The following RABGAP1L variants were observed in gnomAD, a reference collection of about 807,000 sequenced individuals.
RABGAP1L encodes RAB GTPase activating protein 1 like.
A neutral mutation model predicts 137.7 loss-of-function variants in RABGAP1L; 63 were observed. The observed-to-expected ratio is 0.46, with a 90% CI of 0.37 to 0.56. RABGAP1L has a LOEUF of 0.56. Among genes scored for constraint, RABGAP1L ranks in the 20% least tolerant of loss-of-function variants. RABGAP1L has a pLI of 0.00. For synonymous variants in RABGAP1L, 431 were observed against 433.7 expected, an observed-to-expected ratio of 0.99 and a Z score of 0.08; for missense variants, 1,095 against 1,244.0, an observed-to-expected ratio of 0.88 and a Z score of 1.80.
intron 19 of RABGAP1L, among the ~76,000 whole-genome samples, chr1:174,848,691 G>T (rs1417605004): frequency 6.9e-6 from 1 of 144,926 alleles, no homozygotes; most frequent in East Asian, 2.0e-4. Context: ...GTTTGTCTGT[G>T]CCCTGCCCCC....
At chr1:174,423,223 A>AT (rs933444534) in intron 13 of RABGAP1L, among the ~76,000 whole-genome samples, 5 of 152,096 alleles carry the variant, frequency 3.3e-5, no homozygotes, top group Admixed American at 1.3e-4. Context: ...AATTGTGTCC[A>AT]TTTTTTTAAT....
At chr1:174,646,766 A>T (rs1182286188) in intron 14 of RABGAP1L, among the ~76,000 whole-genome samples, 1 of 152,160 alleles carries the variant, frequency 6.6e-6, no homozygotes, top group African/African-American at 2.4e-5. Flanking sequence ...TGGTAGCTTG[A>T]TGGGGATAGC....
At chr1:174,769,409 C>T (rs998968534) in intron 18 of RABGAP1L, among the ~76,000 whole-genome samples, 2 of 152,066 alleles carry the variant, frequency 1.3e-5, no homozygotes, top group Non-Finnish European at 2.9e-5. Flanking sequence ...TTCTTAGGTT[C>T]TATAATAGTG....
At chr1:174,690,303 A>T (rs1678786324) in intron 15 of RABGAP1L, among the ~76,000 whole-genome samples, 1 of 152,162 alleles carries the variant, frequency 6.6e-6, no homozygotes, top group Non-Finnish European at 1.5e-5. Context: ...CCTTATGATG[A>T]GTGTAAAGAG....
At chr1:174,500,633 G>A (rs1661173207) in intron 13 of RABGAP1L, among the ~76,000 whole-genome samples, 1 of 152,122 alleles carries the variant, frequency 6.6e-6, no homozygotes. Context: ...ACAGTTAAAC[G>A]AAAACAAAGG....
chr1:174,870,489 A>T (rs1327983183), intron 19 of RABGAP1L, among the ~76,000 whole-genome samples: 3 of 152,204 alleles, frequency 2.0e-5, no homozygotes, highest in African/African-American at 7.2e-5. Context: ...TAATTCTGGT[A>T]TATGTTTGCC....
chr1:174,952,339 C>CAAAAAAA (rs59406597), intron 19 of RABGAP1L, among the ~76,000 whole-genome samples: 3 of 31,718 alleles, frequency 9.5e-5, no homozygotes, highest in African/African-American at 3.1e-4. Context: ...CTGGCTCTAC[C>CAAAAAAA]AAAAAAAAAA....
chr1:174,693,765 G>A lies in RABGAP1L; in HGVS notation c.1900-5760G>A, dbSNP rs148096991. Among the ~76,000 whole-genome samples, 555 of 152,268 alleles carry A rather than the reference G, an allele frequency of 3.6e-3. 3 individuals carry two copies. The highest frequency in any genetic ancestry group is 0.013 in the African/African-American group (541 of 41,550). ...GGTGTCTTTTGTTATGGAGTCCAAA[G>A]CTCAGTGGAGCAGTGAGTGATACTA... On this transcript the variant is annotated intron_variant, in intron 15 of 25. Transcript: ENST00000681986.
chr1:174,317,261 G>T (rs1470672769), intron 11 of RABGAP1L, among the ~76,000 whole-genome samples: 7 of 151,864 alleles, frequency 4.6e-5, no homozygotes, highest in Admixed American at 4.6e-4. Flanking sequence ...GAGTTTCATC[G>T]GAAGCCAGCA....
At position 174,221,030 on chromosome 1, in the gene RABGAP1L, C is replaced by G; in HGVS notation, c.197C>G (p.Ser66Cys). The G allele has an allele frequency of 6.2e-7, 1 of 1,613,710 alleles. No individual in the cohort carries two copies. The highest frequency in any genetic ancestry group is 1.7e-4 in the Middle Eastern group (1 of 6,056). ...EKAMEEILRD[S>C]EKRPSSLLVD... Reference sequence around the variant, plus strand: ...GCCATGGAAGAGATTTTGAGAGATTCCGAGAAAAGGCCAAGCAGTCTTCTT... The same window carrying G: ...GCCATGGAAGAGATTTTGAGAGATTGCGAGAAAAGGCCAAGCAGTCTTCTT... Residue 66 changes from serine to cysteine, a missense_variant, in exon 3 of 26, where the codon TCC (serine) becomes TGC (cysteine). Coordinates refer to ENST00000681986, the MANE Select transcript of RABGAP1L (RefSeq NM_001366446.1).
intron 10 of RABGAP1L, among the ~76,000 whole-genome samples, chr1:174,293,744 TGTTTA>T (rs890921734): frequency 7.2e-5 from 11 of 152,202 alleles, no homozygotes; most frequent in Admixed American, 6.5e-5. Flanking sequence ...TGATTTTCAA[TGTTTA>T]GTTTAGTTTA....
At chr1:174,985,822 G>A (rs1671542702) in intron 24 of RABGAP1L, among the ~76,000 whole-genome samples, 1 of 152,232 alleles carries the variant, frequency 6.6e-6, no homozygotes, top group Admixed American at 6.5e-5. Context: ...AGCAGCCTAG[G>A]ACTAGAAAGG....
chr1:174,170,692 AAATC>A (rs1470735663), intron 1 of RABGAP1L, among the ~76,000 whole-genome samples: 130 of 151,626 alleles, frequency 8.6e-4, no homozygotes, highest in Middle Eastern at 6.8e-3. Flanking sequence ...AAAAAAAAAA[AAATC>A]ACGTAGCTTG....
At chr1:174,247,654 C>T (rs147686303) in intron 5 of RABGAP1L, among the ~76,000 whole-genome samples, 12 of 152,330 alleles carry the variant, frequency 7.9e-5, no homozygotes, top group African/African-American at 1.4e-4. Flanking sequence ...CATATCCTTG[C>T]GTGTGGAGAG....
At chr1:174,231,386 A>C in intron 4 of RABGAP1L, 31 bp downstream of exon 4, 1 of 1,581,012 alleles carries the variant, frequency 6.3e-7, no homozygotes, top group Non-Finnish European at 8.7e-7. Flanking sequence ...CTTTAGACAC[A>C]TATTAAGTCT....
intron 19 of RABGAP1L, among the ~76,000 whole-genome samples, chr1:174,938,079 A>G (rs1368807965): frequency 6.6e-6 from 1 of 152,130 alleles, no homozygotes; most frequent in East Asian, 1.9e-4. Context: ...CCATCTATAA[A>G]TAATTTTACA....
At chr1:174,471,407 T>G (rs1261770394) in intron 13 of RABGAP1L, among the ~76,000 whole-genome samples, 1 of 152,220 alleles carries the variant, frequency 6.6e-6, no homozygotes, top group Non-Finnish European at 1.5e-5. Flanking sequence ...GTATACCTGT[T>G]AGTAATTTAT....
chr1:174,690,979 A>G lies in RABGAP1L; in HGVS notation c.1899+7383A>G, dbSNP rs140186967. ...GCCGAGTAGCTGGGATTACAGGCAC[A>G]TGCCACCATGCCTGGCTAATTTTTG... On this transcript the variant is annotated intron_variant, in intron 15 of 25. Transcript: ENST00000681986. Among the ~76,000 whole-genome samples the G allele has an allele frequency of 9.5e-3, 1,442 of 151,926 alleles. 25 individuals carry two copies. Among genetic ancestry groups the G allele is most frequent in the African/African-American group, 0.033 (1,380 of 41,426 alleles).
intron 14 of RABGAP1L, among the ~76,000 whole-genome samples, chr1:174,673,971 A>G (rs1677377701): frequency 1.3e-5 from 2 of 152,214 alleles, no homozygotes; most frequent in African/African-American, 4.8e-5. Flanking sequence ...TTCCTCAAGG[A>G]AAATGAGCAA....
Sources: allele counts gnomAD v4.1 joint callset (sites outside exome capture counted in the v4.1 genomes callset), GRCh38; gene constraint gnomAD v4.1.1; transcripts MANE v1.5; gene names NCBI Gene and HGNC (gene_info 2026-07-23, HGNC 2026-07-21).